The following BTNL8 variants were observed in gnomAD, a reference collection of about 807,000 sequenced individuals.
The protein encoded by BTNL8 is butyrophilin-like protein 8.
BTNL8 carries 22 observed loss-of-function variants against 36.1 expected under a neutral mutation model. The ratio of observed to expected loss-of-function variants is 0.61; its 90% CI spans 0.44 to 0.87. The LOEUF (loss-of-function observed/expected upper bound fraction) is 0.87. BTNL8 is among the 40% of genes least tolerant of loss of function. BTNL8 has a pLI of 0.00. For synonymous variants in BTNL8, 203 were observed against 235.6 expected (o/e 0.86, Z 1.27); for missense variants, 526 against 616.9 (o/e 0.85, Z 1.56).
At chr5:180,945,826 G>T in intron 3 of BTNL8, 1 of 503,328 alleles carries the variant, frequency 2.0e-6, no homozygotes, top group South Asian at 1.4e-5. Context: ...TGTCGAGTCT[G>T]ATCCGGAAAT....
At chr5:180,912,059 C>G (rs910509758) in intron 3 of BTNL8, among the ~76,000 whole-genome samples, 3 of 152,194 alleles carry the variant, frequency 2.0e-5, no homozygotes, top group Non-Finnish European at 4.4e-5. Context: ...AGGGTCGACC[C>G]TCCCCTGAGT....
intron 3 of BTNL8, among the ~76,000 whole-genome samples, chr5:180,916,864 A>G (rs1757651469): frequency 6.6e-6 from 1 of 152,252 alleles, no homozygotes; most frequent in Admixed American, 6.5e-5. Context: ...CAAATTGTTT[A>G]TTTATGAAAT....
At chr5:180,909,645 T>C in intron 2 of BTNL8, 1 of 936,918 alleles carries the variant, frequency 1.1e-6, no homozygotes, top group Non-Finnish European at 1.3e-6. Context: ...CTTGAGAGGC[T>C]GAGACAGGAG....
intron 3 of BTNL8, among the ~76,000 whole-genome samples, chr5:180,931,720 C>T (rs964452385): frequency 3.3e-5 from 5 of 152,192 alleles, no homozygotes; most frequent in Non-Finnish European, 5.9e-5. Flanking sequence ...CTCATCATCA[C>T]TGGTCATTAG....
chr5:180,908,063 T>G (rs188736812), intron 1 of BTNL8, among the ~76,000 whole-genome samples: 16,504 of 152,154 alleles, frequency 0.11, 2,662 homozygotes, highest in African/African-American at 0.35. Flanking sequence ...GGAGCTGCTT[T>G]GTTTACCTAA....
At chr5:180,941,916 T>TTTTTTTTTTTTTTTTTTTTTTTTTTG in intron 3 of BTNL8, among the ~76,000 whole-genome samples, 1 of 150,532 alleles carries the variant, frequency 6.6e-6, no homozygotes, top group Non-Finnish European at 1.5e-5. Context: ...ACTACTCTTA[T>TTTTTTTTTTTTTTTTTTTTTTTTTTG]TCAACAAAGT....
chr5:180,908,045 A>G (rs956938617), intron 1 of BTNL8, among the ~76,000 whole-genome samples: 10 of 152,122 alleles, frequency 6.6e-5, no homozygotes, highest in Admixed American at 3.3e-4. Context: ...GGTGGGCTCC[A>G]CCCAGTTGGA....
In BTNL8 at chr5:180,911,516, A is replaced by C; in HGVS notation, c.575A>C (p.Glu192Ala). 1.2e-6 allele frequency: 2 copies of C among 1,614,176 alleles called. No homozygotes were observed. Among genetic ancestry groups the C allele is most frequent in the Non-Finnish European group, 1.7e-6 (2 of 1,180,030 alleles). ...NRDMHGLFDV[E>A]ISLTVQENAG... is the part of the protein sequence containing the mutation. The stretch of plus-strand genomic sequence containing the variant: ...GACATGCATGGCCTGTTTGATGTGG[A>C]GATCTCTCTGACCGTCCAAGAGAAC... Residue 192 changes from glutamate to alanine, a missense_variant, in exon 3 of 8, where the codon GAG becomes GCG. Coordinates refer to ENST00000340184, the MANE Select transcript of BTNL8 (RefSeq NM_001040462.3).
At chr5:180,928,970 G>A (rs1758236621) in intron 3 of BTNL8, among the ~76,000 whole-genome samples, 1 of 152,130 alleles carries the variant, frequency 6.6e-6, no homozygotes, top group East Asian at 1.9e-4. Flanking sequence ...GGACCCTATA[G>A]GCAGCTACAG....
At position 180,949,092 on chromosome 5, in the gene BTNL8, T is replaced by C. The variant is rs1343084413; in HGVS notation, c.835+146T>C. On this transcript the variant is annotated intron_variant, in intron 6 of 7. Transcript: ENST00000340184. ...AATTGCAGATTCTGGGGGAGGTGCATTTTGTAGAGAAGCCCCATAGCCTTC... is the reference window on the plus strand; with the variant it reads ...AATTGCAGATTCTGGGGGAGGTGCACTTTGTAGAGAAGCCCCATAGCCTTC... 8.7e-6 allele frequency: 11 copies of C among 1,266,990 alleles called. 2 individuals are homozygous for C. Among genetic ancestry groups the C allele is most frequent in the Non-Finnish European group, 1.2e-5 (11 of 917,156 alleles). The allele number at this position is 1,266,990 out of a possible 1,614,324, so 78.5% of individuals were successfully genotyped here.
chr5:180,933,375 T>G (rs1375215259), intron 3 of BTNL8, among the ~76,000 whole-genome samples: 2 of 152,182 alleles, frequency 1.3e-5, no homozygotes, highest in Non-Finnish European at 2.9e-5. Flanking sequence ...CAAGTGCACA[T>G]TCTCCAGAAC....
intron 2 of BTNL8, 101 bp downstream of exon 2, chr5:180,909,034 T>C (rs1757259670): frequency 8.3e-7 from 1 of 1,209,646 alleles, no homozygotes; most frequent in Admixed American, 2.3e-5. Context: ...GGTCATTTAG[T>C]TAGAAGGCAG....
At chr5:180,940,786 C>T (rs1050465190) in intron 3 of BTNL8, among the ~76,000 whole-genome samples, 10 of 152,262 alleles carry the variant, frequency 6.6e-5, no homozygotes, top group Middle Eastern at 3.4e-3. Flanking sequence ...CTATATGCCA[C>T]GGGGCACAAT....
intron 3 of BTNL8, among the ~76,000 whole-genome samples, chr5:180,929,377 G>A (rs1240113064): frequency 5.3e-5 from 8 of 152,008 alleles, no homozygotes; most frequent in Admixed American, 1.3e-4. Context: ...ATCTAAAATC[G>A]ACACCCTAAC....
At chr5:180,926,589 G>T (rs1758114581) in intron 3 of BTNL8, among the ~76,000 whole-genome samples, 1 of 152,204 alleles carries the variant, frequency 6.6e-6, no homozygotes. Context: ...ATTCTCACTG[G>T]CAGCAGAGCA....
At chr5:180,937,468 T>C (rs1396563068) in intron 3 of BTNL8, among the ~76,000 whole-genome samples, 4 of 152,028 alleles carry the variant, frequency 2.6e-5, no homozygotes, top group Non-Finnish European at 4.4e-5. Flanking sequence ...ACCAACACCA[T>C]AGGACTCATC....
chr5:180,940,011 A>C (rs1289369911), intron 3 of BTNL8, among the ~76,000 whole-genome samples: 3 of 152,236 alleles, frequency 2.0e-5, no homozygotes, highest in African/African-American at 4.8e-5. Flanking sequence ...GCAGAAATTA[A>C]AAACAAAGTT....
intron 1 of BTNL8, chr5:180,902,272 A>C: frequency 3.6e-6 from 5 of 1,371,368 alleles, no homozygotes; most frequent in Non-Finnish European, 5.0e-6. Flanking sequence ...ACATTCAGAA[A>C]GAGACTTTTT....
At chr5:180,913,710 G>A (rs1407695869) in intron 3 of BTNL8, among the ~76,000 whole-genome samples, 5 of 152,194 alleles carry the variant, frequency 3.3e-5, no homozygotes, top group Non-Finnish European at 7.4e-5. Flanking sequence ...AGAGTGACAG[G>A]TGGGCATGCT....
Sources: gnomAD v4.1 joint callset for allele counts (sites outside exome capture counted in the v4.1 genomes callset) on GRCh38, gnomAD v4.1.1 for gene constraint, MANE v1.5 for transcripts, NCBI Gene and HGNC (gene_info 2026-07-23, HGNC 2026-07-21) for gene names.